SLC44A5: variants seen among roughly 807,000 people sequenced by gnomAD.
SLC44A5 encodes the protein solute carrier family 44 member 5.
Under a neutral mutation model 101.8 loss-of-function variants are expected in SLC44A5, and 57 were observed. The ratio of observed to expected loss-of-function variants is 0.56; its 90% CI spans 0.45 to 0.70. SLC44A5 has a LOEUF of 0.70. Among genes scored for constraint, SLC44A5 ranks in the 30% least tolerant of loss-of-function variants. SLC44A5 has a pLI of 0.00. For synonymous variants in SLC44A5, 281 were observed against 290.9 expected, an observed-to-expected ratio of 0.97 and a Z score of 0.35; for missense variants, 737 against 853.1, an observed-to-expected ratio of 0.86 and a Z score of 1.70.
chr1:75,511,102 A>C (rs767362744), intron 2 of SLC44A5, among the ~76,000 whole-genome samples: 11 of 152,086 alleles, frequency 7.2e-5, no homozygotes, highest in Non-Finnish European at 1.6e-4. Flanking sequence ...GAGATCGCGC[A>C]ACTGCACTCC....
In SLC44A5 at chr1:75,243,030, A is replaced by G; in HGVS notation, c.346-19T>C. The G allele has an allele frequency of 6.2e-7, 1 of 1,607,102 alleles. No homozygotes were observed. Among genetic ancestry groups the G allele is most frequent in the Non-Finnish European group, 8.5e-7 (1 of 1,176,850 alleles). ...CACAGATCTGTGAACGAACAAAGTG[A>G]TGAGAACTGAACTGAGTTGAACAAA... On this transcript the variant is annotated intron_variant, in intron 7 of 23. Coordinates refer to ENST00000370859, the MANE Select transcript of SLC44A5 (RefSeq NM_001130058.2).
chr1:75,388,594 C>T (rs947053496), intron 3 of SLC44A5, among the ~76,000 whole-genome samples: 1 of 151,956 alleles, frequency 6.6e-6, no homozygotes, highest in Non-Finnish European at 1.5e-5. Context: ...TCCTGGCTAA[C>T]GTGGTGAAAC....
At chr1:75,392,452 A>C (rs1221510670) in intron 3 of SLC44A5, among the ~76,000 whole-genome samples, 5 of 152,070 alleles carry the variant, frequency 3.3e-5, no homozygotes, top group Non-Finnish European at 7.4e-5. Flanking sequence ...ACCACAAAGC[A>C]ATACCATCTC....
intron 4 of SLC44A5, among the ~76,000 whole-genome samples, chr1:75,333,457 ATT>A (rs5775282): frequency 3.7e-3 from 528 of 143,028 alleles, no homozygotes; most frequent in East Asian, 0.017. Context: ...TCTTTTTTCT[ATT>A]TTTTTTTTTT....
intron 1 of SLC44A5, among the ~76,000 whole-genome samples, chr1:75,555,301 A>G (rs981823695): frequency 6.6e-6 from 1 of 152,168 alleles, no homozygotes; most frequent in Non-Finnish European, 1.5e-5. Flanking sequence ...TCAAAGATGT[A>G]AGAATGAGCT....
chr1:75,535,703 G>T (rs1475541341), intron 2 of SLC44A5, among the ~76,000 whole-genome samples: 1 of 152,148 alleles, frequency 6.6e-6, no homozygotes, highest in Non-Finnish European at 1.5e-5. Context: ...GGAAACACTG[G>T]AGAACTCTAC....
chr1:75,464,408 A>G (rs997299877), intron 2 of SLC44A5, among the ~76,000 whole-genome samples: 4 of 148,276 alleles, frequency 2.7e-5, no homozygotes, highest in African/African-American at 1.0e-4. Context: ...AAACCAGAAA[A>G]CATACAATGG....
rs539845919 is a variant in SLC44A5 at position 75,305,797 on chromosome 1, C to T, written c.102-5112G>A. Among the ~76,000 whole-genome samples the T allele has an allele frequency of 1.7e-4, 25 of 151,438 alleles. No homozygotes were observed. The South Asian group carries it at 2.3e-3, about 14-fold the overall frequency. ...CCAGTGTGGATCGCCACATTCTATA[C>T]TAAAATCCTATCCTTCAAGTCAGCT... On this transcript the variant is annotated intron_variant, in intron 4 of 23. Transcript: ENST00000370859.
the SLC44A5 span, among the ~76,000 whole-genome samples, chr1:75,696,218 G>A: frequency 6.6e-6 from 1 of 152,082 alleles, no homozygotes; most frequent in African/African-American, 2.4e-5. Flanking sequence ...TGTGGCATAC[G>A]GGATATGGTG....
chr1:75,465,029 C>G (rs1666738157), intron 2 of SLC44A5, among the ~76,000 whole-genome samples: 1 of 152,094 alleles, frequency 6.6e-6, no homozygotes, highest in South Asian at 2.1e-4. Flanking sequence ...GCACTATAGA[C>G]CAAATGGATC....
chr1:75,409,538 A>C (rs943521395), intron 2 of SLC44A5, among the ~76,000 whole-genome samples: 1 of 152,204 alleles, frequency 6.6e-6, no homozygotes, highest in Non-Finnish European at 1.5e-5. Context: ...AAAGGGCCAG[A>C]AAATGGCCCT....
chr1:75,366,299 T>A (rs1659853526), intron 3 of SLC44A5, among the ~76,000 whole-genome samples: 1 of 152,190 alleles, frequency 6.6e-6, no homozygotes, highest in African/African-American at 2.4e-5. Flanking sequence ...CTTCTCTAGG[T>A]GTAGCATTTT....
chr1:75,694,550 TC>T, the SLC44A5 span, among the ~76,000 whole-genome samples: 4 of 152,124 alleles, frequency 2.6e-5, no homozygotes, highest in African/African-American at 4.8e-5. Flanking sequence ...CTGTGTTTTT[TC>T]ACTGCTATGT....
chr1:75,630,415 G>A, the SLC44A5 span, among the ~76,000 whole-genome samples: 1 of 152,128 alleles, frequency 6.6e-6, no homozygotes, highest in Non-Finnish European at 1.5e-5. Flanking sequence ...GCAGCCACCT[G>A]CGTGTTCAGC....
intron 1 of SLC44A5, among the ~76,000 whole-genome samples, chr1:75,585,721 T>A (rs1385337574): frequency 6.6e-6 from 1 of 152,208 alleles, no homozygotes; most frequent in Non-Finnish European, 1.5e-5. Context: ...AACACCATTT[T>A]ATACATATTT....
chr1:75,721,755 A>G, the SLC44A5 span, among the ~76,000 whole-genome samples: 2 of 152,216 alleles, frequency 1.3e-5, no homozygotes, highest in Non-Finnish European at 2.9e-5. Flanking sequence ...ACTGCTTGGT[A>G]TCTTAAATTT....
At chr1:75,289,306 C>A (rs1049641509) in intron 5 of SLC44A5, among the ~76,000 whole-genome samples, 1 of 152,192 alleles carries the variant, frequency 6.6e-6, no homozygotes, top group Non-Finnish European at 1.5e-5. Flanking sequence ...TGGCAAATCT[C>A]TATTAGAGAG....
chr1:75,699,659 A>G, the SLC44A5 span, among the ~76,000 whole-genome samples: 1 of 152,096 alleles, frequency 6.6e-6, no homozygotes, highest in East Asian at 1.9e-4. Flanking sequence ...ACATAACAAT[A>G]TTAACCTTAA....
chr1:75,568,687 A>G (rs576064507), intron 1 of SLC44A5, among the ~76,000 whole-genome samples: 91 of 152,298 alleles, frequency 6.0e-4, no homozygotes, highest in African/African-American at 2.1e-3. Context: ...ACGATCCACC[A>G]CAATGATGCA....
Sources: gnomAD v4.1 joint callset for allele counts (sites outside exome capture counted in the v4.1 genomes callset) on GRCh38, gnomAD v4.1.1 for gene constraint, MANE v1.5 for transcripts, NCBI Gene and HGNC (gene_info 2026-07-23, HGNC 2026-07-21) for gene names.